CATSPERB: variants seen among roughly 807,000 people sequenced by gnomAD.
The protein encoded by CATSPERB is catsper channel auxiliary subunit beta.
CATSPERB carries 93 observed loss-of-function variants against 128.3 expected under a neutral mutation model. The observed-to-expected ratio is 0.72, with a 90% CI of 0.61 to 0.86. The LOEUF is 0.86. Among genes scored for constraint, CATSPERB ranks in the 40% least tolerant of loss-of-function variants. The pLI is 0.00. For missense variants in CATSPERB, 1,153 were observed against 1,329.5 expected (o/e 0.87, Z 2.06); for synonymous variants, 381 against 448.8 (o/e 0.85, Z 1.91).
intron 22 of CATSPERB, among the ~76,000 whole-genome samples, chr14:91,607,560 C>T (rs78677126): frequency 0.076 from 11,635 of 152,184 alleles, 488 homozygotes; most frequent in Middle Eastern, 0.18. Flanking sequence ...TCAGGTCAGA[C>T]GTAATGTCAA....
intron 11 of CATSPERB, among the ~76,000 whole-genome samples, chr14:91,681,292 G>A (rs1441158293): frequency 6.6e-6 from 1 of 152,134 alleles, no homozygotes; most frequent in African/African-American, 2.4e-5. Flanking sequence ...ATTCAAAAAA[G>A]ACTGTGATGG....
intron 7 of CATSPERB, among the ~76,000 whole-genome samples, chr14:91,696,353 G>A (rs1895561093): frequency 6.6e-6 from 1 of 152,228 alleles, no homozygotes; most frequent in African/African-American, 2.4e-5. Flanking sequence ...AAAGCTAAAA[G>A]AAGAAAGTGT....
intron 15 of CATSPERB, among the ~76,000 whole-genome samples, chr14:91,652,670 C>CAAAAAAAAAAAA (rs58608847): frequency 1.4e-5 from 1 of 69,166 alleles, no homozygotes; most frequent in Non-Finnish European, 2.5e-5. Context: ...GACTCTGTCT[C>CAAAAAAAAAAAA]AAAAAAAAAA....
chr14:91,709,373 T>C (rs1895791470), intron 5 of CATSPERB: 1 of 151,854 alleles, frequency 6.6e-6, no homozygotes, highest in Non-Finnish European at 1.5e-5. Context: ...CAGAACTTTC[T>C]TGAAGTTTTA....
intron 14 of CATSPERB, among the ~76,000 whole-genome samples, 182 bp from the exon 15 acceptor site, chr14:91,660,163 A>T (rs1894852491): frequency 1.3e-5 from 2 of 151,462 alleles, no homozygotes; most frequent in Non-Finnish European, 2.9e-5. Flanking sequence ...CAGACTCCTT[A>T]TCTACTTTGT....
rs751593515 is a variant in CATSPERB at position 91,625,047 on chromosome 14, A to T, written c.1743-40T>A. 4.3e-5 allele frequency: 58 copies of T among 1,344,020 alleles called. No homozygotes were observed. In the East Asian group the frequency reaches 1.4e-3, roughly 32 times the overall value. 83.3% of individuals were successfully genotyped at this position (1,344,020 alleles called of 1,614,324 possible). ...AACCATTAAGCAATTTGGATAAAAC[A>T]GTGGATTAAATGAACCAATTTATGA... On this transcript the variant is annotated intron_variant, in intron 17 of 26. Coordinates refer to ENST00000256343, the MANE Select transcript of CATSPERB (RefSeq NM_024764.4).
chr14:91,617,478 C>T (rs2139783793), intron 20 of CATSPERB, 119 bp downstream of exon 20: 1 of 664,180 alleles, frequency 1.5e-6, no homozygotes, highest in Admixed American at 3.5e-5. Context: ...ACCCTATACT[C>T]TTATGTGTGT....
chr14:91,600,356 T>C (rs572550676), intron 22 of CATSPERB, among the ~76,000 whole-genome samples: 1 of 152,338 alleles, frequency 6.6e-6, no homozygotes, highest in South Asian at 2.1e-4. Context: ...TGTATATCTC[T>C]AATGACTAAG....
chr14:91,667,117 T>C (rs1474737969), intron 14 of CATSPERB, among the ~76,000 whole-genome samples: 2 of 152,222 alleles, frequency 1.3e-5, no homozygotes, highest in Admixed American at 6.5e-5. Flanking sequence ...AGGGAAAAAG[T>C]ATAAATGTGT....
intron 6 of CATSPERB, among the ~76,000 whole-genome samples, chr14:91,707,065 C>T (rs890420994): frequency 6.6e-6 from 1 of 152,216 alleles, no homozygotes; most frequent in African/African-American, 2.4e-5. Flanking sequence ...TATTAGTTCT[C>T]TGCTTAAAAT....
At chr14:91,632,492 C>T (rs1254282538) in intron 17 of CATSPERB, among the ~76,000 whole-genome samples, 1 of 152,046 alleles carries the variant, frequency 6.6e-6, no homozygotes, top group Non-Finnish European at 1.5e-5. Context: ...TAAATACCAA[C>T]AAAATGTTCA....
chr14:91,691,237 G>C (rs373692965), intron 10 of CATSPERB, among the ~76,000 whole-genome samples: 10 of 152,136 alleles, frequency 6.6e-5, no homozygotes, highest in Middle Eastern at 3.2e-3. Flanking sequence ...TAGCTAGCCT[G>C]GACATAGCAT....
chr14:91,595,175 C>A (rs576481774), intron 22 of CATSPERB, among the ~76,000 whole-genome samples: 36 of 152,094 alleles, frequency 2.4e-4, no homozygotes, highest in African/African-American at 8.4e-4. Flanking sequence ...GACTGGTATG[C>A]TTTATTATAC....
intron 11 of CATSPERB, among the ~76,000 whole-genome samples, chr14:91,681,199 A>G (rs1290319667): frequency 6.6e-6 from 1 of 152,224 alleles, no homozygotes; most frequent in Non-Finnish European, 1.5e-5. Flanking sequence ...ACCCCTGAGC[A>G]TAATGGACAA....
chr14:91,610,891 A>T (rs1296378100), intron 20 of CATSPERB, among the ~76,000 whole-genome samples: 2 of 152,160 alleles, frequency 1.3e-5, no homozygotes, highest in Non-Finnish European at 1.5e-5. Context: ...TAAGAAGAGG[A>T]GATTAGGATA....
chr14:91,650,369 A>G (rs909078085), intron 15 of CATSPERB, among the ~76,000 whole-genome samples: 1 of 152,226 alleles, frequency 6.6e-6, no homozygotes, highest in African/African-American at 2.4e-5. Context: ...GTGTCACGGA[A>G]GGAATCACCA....
At chr14:91,625,646 G>T (rs1193278413) in intron 17 of CATSPERB, among the ~76,000 whole-genome samples, 1 of 152,054 alleles carries the variant, frequency 6.6e-6, no homozygotes, top group Admixed American at 6.6e-5. Flanking sequence ...GGACTAATTG[G>T]CAGTTCATCA....
chr14:91,653,280 C>T (rs1294296183), intron 15 of CATSPERB, among the ~76,000 whole-genome samples: 4 of 152,132 alleles, frequency 2.6e-5, no homozygotes, highest in African/African-American at 9.7e-5. Context: ...TTTCTAATTT[C>T]TGTTAGACCT....
chr14:91,649,501 C>CTT (rs11433742), intron 15 of CATSPERB, among the ~76,000 whole-genome samples: 8 of 145,466 alleles, frequency 5.5e-5, no homozygotes, highest in Admixed American at 2.1e-4. Context: ...ATTGTACACA[C>CTT]TTTTTTTTTT....
Sources: allele counts gnomAD v4.1 joint callset (sites outside exome capture counted in the v4.1 genomes callset), GRCh38; gene constraint gnomAD v4.1.1; transcripts MANE v1.5; gene names NCBI Gene and HGNC (gene_info 2026-07-23, HGNC 2026-07-21).